Variants in NCAM2 observed in about 807,000 individuals in gnomAD.
NCAM2 encodes the protein neural cell adhesion molecule 2.
A neutral mutation model predicts 98.1 loss-of-function variants in NCAM2; 30 were observed. That is an observed-to-expected ratio of 0.31 (90% CI 0.23 to 0.41). The LOEUF (loss-of-function observed/expected upper bound fraction) is 0.41. Ranked by LOEUF, NCAM2 falls within the 10% of genes least tolerant of loss-of-function variation. The probability of loss-of-function intolerance (pLI) is 1.00; values close to 1 mark genes in which losing one functional copy is unlikely to be tolerated. For missense variants in NCAM2, 867 were observed against 1,005.8 expected (o/e 0.86, Z 1.87); for synonymous variants, 368 against 342.4 (o/e 1.07, Z -0.83).
chr21:21,497,068 A>G (rs569857164), intron 15 of NCAM2, among the ~76,000 whole-genome samples: 5 of 152,148 alleles, frequency 3.3e-5, no homozygotes, highest in African/African-American at 7.2e-5. Context: ...AGCAACATAG[A>G]TAGAGCGGGA....
intron 1 of NCAM2, among the ~76,000 whole-genome samples, chr21:21,000,462 T>G (rs1012728989): frequency 2.0e-5 from 3 of 152,142 alleles, no homozygotes; most frequent in African/African-American, 7.2e-5. Context: ...TTTAGATATA[T>G]AGGTTTAAAT....
At chr21:21,520,368 T>TAA (rs1380611648) in intron 16 of NCAM2, among the ~76,000 whole-genome samples, 1 of 152,140 alleles carries the variant, frequency 6.6e-6, no homozygotes, top group Admixed American at 6.5e-5. Flanking sequence ...TGTGAAGAAC[T>TAA]AAAGCATAAG....
At chr21:21,455,618 T>C (rs1038865829) in intron 12 of NCAM2, among the ~76,000 whole-genome samples, 10 of 151,982 alleles carry the variant, frequency 6.6e-5, no homozygotes, top group Non-Finnish European at 1.5e-4. Flanking sequence ...ATTAGAAAAA[T>C]ATAATGCAAT....
In NCAM2 at chr21:21,539,421, GTTCCAAAGGAATA is replaced by G. The variant is rs2033332166; in HGVS notation, c.*1467_*1479del. The G allele has an allele frequency of 6.6e-6, 1 of 152,098 alleles. No homozygotes were observed. Among genetic ancestry groups the G allele is most frequent in the Non-Finnish European group, 1.5e-5 (1 of 68,038 alleles). 9.4% of individuals were successfully genotyped at this position (152,098 alleles called of 1,614,324 possible). On this transcript the variant is annotated 3_prime_UTR_variant, in exon 18 of 18. Transcript: ENST00000400546. ...CAAATAGTGACAGGACAGGGAATGC[GTTCCAAAGGAATA>G]TTGGAGCAATTTTAACATTGCAGAA...
In NCAM2 at chr21:21,079,976, G is replaced by T. The variant is rs568260178; in HGVS notation, c.55+81358G>T. On this transcript the variant is annotated intron_variant, in intron 1 of 17. Coordinates refer to ENST00000400546, the MANE Select transcript of NCAM2 (RefSeq NM_004540.5). Reference sequence around the variant, plus strand: ...TGGAACAATCATGCTTTTATTTAAAGATGCTACTAATGAACAAAATAATGC... The same window carrying T: ...TGGAACAATCATGCTTTTATTTAAATATGCTACTAATGAACAAAATAATGC... 9.2e-5 allele frequency among the ~76,000 whole-genome samples: 14 copies of T among 152,246 alleles called. No individual in the cohort carries two copies. In the East Asian group the frequency reaches 1.9e-3, roughly 21 times the overall value.
At chr21:21,083,382 C>T (rs906880485) in intron 1 of NCAM2, among the ~76,000 whole-genome samples, 34 of 150,092 alleles carry the variant, frequency 2.3e-4, no homozygotes, top group Admixed American at 1.2e-3. Context: ...ATATCCAAGC[C>T]GAACTTGGAA....
chr21:21,261,743 C>G (rs2071907945), intron 1 of NCAM2, among the ~76,000 whole-genome samples: 1 of 151,930 alleles, frequency 6.6e-6, no homozygotes. Context: ...GTGCTAAATG[C>G]CTACATCAAA....
At chr21:21,493,180 C>A (rs1986968018) in intron 15 of NCAM2, among the ~76,000 whole-genome samples, 1 of 151,874 alleles carries the variant, frequency 6.6e-6, no homozygotes, top group Non-Finnish European at 1.5e-5. Flanking sequence ...TGGTTCACTG[C>A]TGAATTCTAT....
chr21:21,272,196 G>C (rs2072527928), intron 1 of NCAM2, among the ~76,000 whole-genome samples: 1 of 152,112 alleles, frequency 6.6e-6, no homozygotes, highest in Non-Finnish European at 1.5e-5. Flanking sequence ...GACTGCCATA[G>C]TCCAAATCAA....
intron 4 of NCAM2, among the ~76,000 whole-genome samples, chr21:21,287,004 C>A (rs2073126067): frequency 6.6e-6 from 1 of 151,820 alleles, no homozygotes; most frequent in South Asian, 2.1e-4. Context: ...TGGAAAGATC[C>A]ATATAGATAA....
chr21:21,011,406 C>G (rs993455870), intron 1 of NCAM2, among the ~76,000 whole-genome samples: 8 of 151,974 alleles, frequency 5.3e-5, no homozygotes, highest in Non-Finnish European at 8.8e-5. Flanking sequence ...AGGAGTAGCT[C>G]TAGCTTCAGG....
rs1478975649 is a variant in NCAM2 at position 21,539,857 on chromosome 21, ATTTAG to A, written c.*1905_*1909del. On this transcript the variant is annotated 3_prime_UTR_variant, in exon 18 of 18. Coordinates refer to ENST00000400546, the MANE Select transcript of NCAM2 (RefSeq NM_004540.5). ...GTCTTTGACAGATTTGACTGTTCAT[ATTTAG>A]TTTATGTTTGTCTGATCATCCAGTT... The A allele has an allele frequency of 1.3e-5, 2 of 152,114 alleles. No individual in the cohort carries two copies. The highest frequency in any genetic ancestry group is 4.8e-5 in the African/African-American group (2 of 41,420). 9.4% of individuals were successfully genotyped at this position (152,114 alleles called of 1,614,324 possible). A position where few individuals can be genotyped will look rare whatever the true frequency, so the allele number is the denominator to read the frequency against.
intron 9 of NCAM2, among the ~76,000 whole-genome samples, chr21:21,406,417 A>C (rs1236701546): frequency 6.6e-6 from 1 of 152,188 alleles, no homozygotes; most frequent in Admixed American, 6.5e-5. Context: ...TCAGAAATCA[A>C]GGGTGCGGGA....
At chr21:21,273,496 A>G (rs2072608659) in intron 1 of NCAM2, among the ~76,000 whole-genome samples, 1 of 152,178 alleles carries the variant, frequency 6.6e-6, no homozygotes, top group Non-Finnish European at 1.5e-5. Context: ...CAGGAGGGTC[A>G]AAGAACAAAG....
intron 1 of NCAM2, among the ~76,000 whole-genome samples, chr21:21,209,921 A>G (rs913630910): frequency 3.9e-5 from 6 of 152,138 alleles, no homozygotes; most frequent in African/African-American, 1.4e-4. Flanking sequence ...CGACTAAAAC[A>G]TCCCGGAAAA....
At chr21:21,074,349 AT>A (rs1568994174) in intron 1 of NCAM2, among the ~76,000 whole-genome samples, 1 of 151,650 alleles carries the variant, frequency 6.6e-6, no homozygotes, top group Non-Finnish European at 1.5e-5. Context: ...ATTAGCATTT[AT>A]TACATTTATT....
chr21:21,175,852 T>TA (rs1376547614), intron 1 of NCAM2, among the ~76,000 whole-genome samples: 1 of 152,224 alleles, frequency 6.6e-6, no homozygotes, highest in Non-Finnish European at 1.5e-5. Flanking sequence ...GATAGATTCC[T>TA]AAAATGAATA....
At chr21:21,076,020 G>A (rs2065673230) in intron 1 of NCAM2, among the ~76,000 whole-genome samples, 1 of 151,856 alleles carries the variant, frequency 6.6e-6, no homozygotes, top group South Asian at 2.1e-4. Flanking sequence ...AGAAGGCTGA[G>A]GTAGGAGAAT....
chr21:21,287,687 G>A (rs1036126472), intron 4 of NCAM2, among the ~76,000 whole-genome samples: 24 of 151,954 alleles, frequency 1.6e-4, no homozygotes, highest in Admixed American at 1.3e-3. Flanking sequence ...GTCAAATAGA[G>A]CAAAGCCTCA....
Sources: allele counts gnomAD v4.1 joint callset (sites outside exome capture counted in the v4.1 genomes callset), GRCh38; gene constraint gnomAD v4.1.1; transcripts MANE v1.5; gene names NCBI Gene and HGNC (gene_info 2026-07-23, HGNC 2026-07-21).